The following GPHN variants were observed in gnomAD, a reference collection of about 807,000 sequenced individuals.
The protein encoded by GPHN is gephyrin.
A neutral mutation model predicts 95.5 loss-of-function variants in GPHN; 17 were observed. The ratio of observed to expected loss-of-function variants is 0.18; its 90% confidence interval spans 0.12 to 0.27. GPHN has a LOEUF of 0.27. Among genes scored for constraint, GPHN ranks in the 10% least tolerant of loss-of-function variants. The pLI, the probability that GPHN is intolerant of heterozygous loss-of-function variation, is 1.00. For synonymous variants in GPHN, 320 were observed against 322.5 expected (o/e 0.99, Z 0.08); for missense variants, 660 against 978.1 (o/e 0.67, Z 4.34).
At chr14:67,394,818 A>G in the GPHN span, among the ~76,000 whole-genome samples, 3,116 of 152,292 alleles carry the variant, frequency 0.02, 102 homozygotes, top group African/African-American at 0.071. Context: ...GGTTAAATGA[A>G]TTAATGAATT....
intron 2 of GPHN, among the ~76,000 whole-genome samples, chr14:66,706,285 A>G (rs987556406): frequency 1.3e-5 from 2 of 152,128 alleles, no homozygotes; most frequent in African/African-American, 4.8e-5. Context: ...TACCATTGAC[A>G]TTATTTACAG....
chr14:67,086,330 A>G (rs1405046571), intron 11 of GPHN, among the ~76,000 whole-genome samples: 1 of 152,222 alleles, frequency 6.6e-6, no homozygotes, highest in South Asian at 2.1e-4. Context: ...CATGAGTGGT[A>G]GTAGTTATTA....
chr14:67,195,226 C>G, the GPHN span, among the ~76,000 whole-genome samples: 9 of 152,204 alleles, frequency 5.9e-5, no homozygotes, highest in East Asian at 1.7e-3. Context: ...CCTCAGCTAA[C>G]CTCAACTTTG....
At chr14:66,914,469 G>T (rs1157116021) in intron 5 of GPHN, among the ~76,000 whole-genome samples, 1 of 152,046 alleles carries the variant, frequency 6.6e-6, no homozygotes, top group African/African-American at 2.4e-5. Context: ...CCAGAGCTAT[G>T]TATTAATCAA....
chr14:66,920,533 CTTT>C (rs753181787), intron 6 of GPHN, among the ~76,000 whole-genome samples: 1 of 138,122 alleles, frequency 7.2e-6, no homozygotes, highest in Admixed American at 7.2e-5. Flanking sequence ...GCAGTGCATG[CTTT>C]TTTTTTTTTT....
At chr14:67,172,116 C>T (rs1014801828) in intron 21 of GPHN, among the ~76,000 whole-genome samples, 1 of 152,132 alleles carries the variant, frequency 6.6e-6, no homozygotes, top group African/African-American at 2.4e-5. Flanking sequence ...GCTCTGGGAG[C>T]AAGTAGTCAC....
chr14:66,749,973 A>G (rs1220269378), intron 2 of GPHN, among the ~76,000 whole-genome samples: 1 of 151,792 alleles, frequency 6.6e-6, no homozygotes, highest in African/African-American at 2.4e-5. Flanking sequence ...TCATGCATTT[A>G]TCCTTTCTTT....
At chr14:67,406,120 G>A in the GPHN span, among the ~76,000 whole-genome samples, 3 of 152,158 alleles carry the variant, frequency 2.0e-5, no homozygotes, top group South Asian at 2.1e-4. Flanking sequence ...TTAGCTGGGC[G>A]TGGTGGTGGG....
the GPHN span, chr14:67,734,205 A>G: frequency 3.5e-6 from 1 of 289,564 alleles, no homozygotes; most frequent in Admixed American, 4.4e-5. Flanking sequence ...AGGCAAGAAG[A>G]GCACCATCAC....
chr14:67,451,571 C>T, the GPHN span, among the ~76,000 whole-genome samples: 1 of 152,184 alleles, frequency 6.6e-6, no homozygotes, highest in South Asian at 2.1e-4. Flanking sequence ...TTTGACTGCC[C>T]CACTGGATTT....
At chr14:67,679,407 T>TTA in the GPHN span, among the ~76,000 whole-genome samples, 1 of 151,070 alleles carries the variant, frequency 6.6e-6, no homozygotes, top group Non-Finnish European at 1.5e-5. Flanking sequence ...ATTCCAAGTT[T>TTA]TTTTTTTTTT....
chr14:67,161,486 GTGCAGTGGCTCACACC>G (rs974268227), intron 19 of GPHN, among the ~76,000 whole-genome samples: 1 of 152,010 alleles, frequency 6.6e-6, no homozygotes, highest in African/African-American at 2.4e-5. Context: ...ATTGGGCCGA[GTGCAGTGGCTCACACC>G]TATAATCCCA....
intron 1 of GPHN, among the ~76,000 whole-genome samples, chr14:66,571,726 G>A (rs943178017): frequency 2.6e-5 from 4 of 152,026 alleles, no homozygotes; most frequent in South Asian, 2.1e-4. Context: ...CAGGAGAATC[G>A]CTTGAACCTG....
At chr14:67,215,185 AAGCCCTAC>A in the GPHN span, among the ~76,000 whole-genome samples, 2 of 152,138 alleles carry the variant, frequency 1.3e-5, no homozygotes, top group African/African-American at 4.8e-5. Context: ...GCTTCTCCTG[AAGCCCTAC>A]AGTCAAAATA....
At chr14:67,577,900 C>G in the GPHN span, 2 of 812,244 alleles carry the variant, frequency 2.5e-6, no homozygotes, top group East Asian at 5.1e-5. Context: ...GCAGTGCTCC[C>G]TCTTAGAAAG....
At chr14:67,192,894 C>T in the GPHN span, among the ~76,000 whole-genome samples, 3 of 137,150 alleles carry the variant, frequency 2.2e-5, no homozygotes, top group African/African-American at 2.7e-5. Flanking sequence ...ATCTAGATAT[C>T]GATATCTAGA....
chr14:66,973,862 C>T (rs146416249), intron 9 of GPHN, among the ~76,000 whole-genome samples: 79 of 152,306 alleles, frequency 5.2e-4, no homozygotes, highest in African/African-American at 1.6e-3. Flanking sequence ...CAGTTTAGAA[C>T]ATTTAAAATG....
At chr14:67,451,072 G>A in the GPHN span, among the ~76,000 whole-genome samples, 3 of 152,358 alleles carry the variant, frequency 2.0e-5, no homozygotes, top group Admixed American at 2.0e-4. Flanking sequence ...TGGCTTCAGA[G>A]GGTGCAAGTC....
the GPHN span, among the ~76,000 whole-genome samples, chr14:67,369,882 G>A: frequency 6.6e-6 from 1 of 152,204 alleles, no homozygotes; most frequent in African/African-American, 2.4e-5. Context: ...ACCCAGAGGC[G>A]CTAGAGGAAT....
Sources: allele counts gnomAD v4.1 joint callset (sites outside exome capture counted in the v4.1 genomes callset), GRCh38; gene constraint gnomAD v4.1.1; transcripts MANE v1.5; gene names NCBI Gene and HGNC (gene_info 2026-07-23, HGNC 2026-07-21).